Variants in NRG3 observed in about 807,000 individuals in gnomAD.
The protein encoded by NRG3 is pro-neuregulin-3, membrane-bound isoform.
A neutral mutation model predicts 66.9 loss-of-function variants in NRG3; 31 were observed. The observed-to-expected ratio is 0.46, with a 90% CI of 0.35 to 0.63. The LOEUF is 0.63. Among genes scored for constraint, NRG3 ranks in the 20% least tolerant of loss-of-function variants. The pLI, the probability that NRG3 is intolerant of heterozygous loss-of-function variation, is 0.00. For synonymous variants in NRG3, 393 were observed against 359.4 expected (o/e 1.09, Z -1.06); for missense variants, 910 against 878.9 (o/e 1.04, Z -0.45).
At chr10:82,467,839 CAT>C (rs1840836050) in intron 2 of NRG3, among the ~76,000 whole-genome samples, 2 of 152,074 alleles carry the variant, frequency 1.3e-5, no homozygotes, top group African/African-American at 4.8e-5. Flanking sequence ...AAGGATATAT[CAT>C]ATTAAATTTA....
chr10:82,404,580 TGAAG>T (rs1450076252), intron 2 of NRG3, among the ~76,000 whole-genome samples: 2 of 152,166 alleles, frequency 1.3e-5, no homozygotes, highest in African/African-American at 4.8e-5. Flanking sequence ...AATGAATGAA[TGAAG>T]GATGAATGGG....
chr10:81,882,107 A>G (rs898891028), intron 1 of NRG3, among the ~76,000 whole-genome samples: 11 of 152,238 alleles, frequency 7.2e-5, no homozygotes, highest in South Asian at 2.1e-4. Flanking sequence ...CATAATTAGC[A>G]TAAGAACAAC....
intron 1 of NRG3, among the ~76,000 whole-genome samples, chr10:82,006,809 C>T (rs1031601033): frequency 6.6e-6 from 1 of 152,112 alleles, no homozygotes; most frequent in Non-Finnish European, 1.5e-5. Flanking sequence ...ATTCCTTAAA[C>T]TATATACACT....
intron 3 of NRG3, among the ~76,000 whole-genome samples, chr10:82,815,394 G>C (rs537698404): frequency 5.3e-5 from 8 of 152,098 alleles, no homozygotes; most frequent in African/African-American, 1.9e-4. Flanking sequence ...AAATGTATGA[G>C]GTGTTCACTT....
intron 1 of NRG3, among the ~76,000 whole-genome samples, chr10:82,355,161 G>A (rs1589829832): frequency 6.6e-6 from 1 of 152,168 alleles, no homozygotes; most frequent in East Asian, 1.9e-4. Flanking sequence ...TGTTGAATTT[G>A]CTCACAGATG....
intron 4 of NRG3, among the ~76,000 whole-genome samples, chr10:82,886,541 C>T (rs370201879): frequency 1.3e-5 from 2 of 152,258 alleles, no homozygotes; most frequent in South Asian, 2.1e-4. Flanking sequence ...TGGAATAATA[C>T]GAGCAATACA....
intron 1 of NRG3, among the ~76,000 whole-genome samples, chr10:81,916,011 A>G (rs1168982256): frequency 6.6e-6 from 1 of 152,236 alleles, no homozygotes; most frequent in Non-Finnish European, 1.5e-5. Flanking sequence ...CTCACTTAAC[A>G]TATCTAAATT....
chr10:82,696,732 T>C (rs1361855162), intron 2 of NRG3, among the ~76,000 whole-genome samples: 1 of 152,124 alleles, frequency 6.6e-6, no homozygotes, highest in African/African-American at 2.4e-5. Context: ...CCAAGAGTTT[T>C]GACAGAATGC....
chr10:82,155,897 C>A (rs1207073422), intron 1 of NRG3, among the ~76,000 whole-genome samples: 1 of 151,734 alleles, frequency 6.6e-6, no homozygotes, highest in Admixed American at 6.6e-5. Flanking sequence ...ATCCTCTAAA[C>A]TTTAGCTGCT....
At chr10:82,361,235 G>C (rs1294625000) in intron 2 of NRG3, among the ~76,000 whole-genome samples, 1 of 151,978 alleles carries the variant, frequency 6.6e-6, no homozygotes, top group African/African-American at 2.4e-5. Flanking sequence ...TAATAATTTT[G>C]GCCTTCTGTC....
intron 2 of NRG3, among the ~76,000 whole-genome samples, chr10:82,503,163 A>T (rs904131018): frequency 1.3e-5 from 2 of 152,236 alleles, no homozygotes; most frequent in African/African-American, 4.8e-5. Flanking sequence ...TCAAAATGAT[A>T]TAAGTGAAAC....
At chr10:82,064,145 A>C (rs1034366734) in intron 1 of NRG3, among the ~76,000 whole-genome samples, 3 of 152,206 alleles carry the variant, frequency 2.0e-5, no homozygotes, top group African/African-American at 7.2e-5. Flanking sequence ...CAGTGAATTA[A>C]GGAATGGATT....
chr10:82,905,937 G>A (rs1474169859), intron 4 of NRG3, among the ~76,000 whole-genome samples: 1 of 152,088 alleles, frequency 6.6e-6, no homozygotes, highest in African/African-American at 2.4e-5. Context: ...GAGGGCAATG[G>A]GATAGGTTAG....
rs573910127 is a variant in NRG3 at position 82,863,819 on chromosome 10, A to G, written c.1028-1592A>G. 1.1e-4 allele frequency among the ~76,000 whole-genome samples: 17 copies of G among 152,268 alleles called. No individual in the cohort carries two copies. The South Asian group carries it at 3.5e-3, about 32-fold the overall frequency. ...GCTTTTCCATTATAGCACTTATTACAAAGAATGACCATAGCTTTTTCTCCA... is the reference window on the plus strand; with the variant it reads ...GCTTTTCCATTATAGCACTTATTACGAAGAATGACCATAGCTTTTTCTCCA... On this transcript the variant is annotated intron_variant, in intron 3 of 8. Transcript: ENST00000372141.
intron 1 of NRG3, among the ~76,000 whole-genome samples, chr10:81,980,904 C>T (rs2060309791): frequency 6.6e-6 from 1 of 152,146 alleles, no homozygotes; most frequent in Non-Finnish European, 1.5e-5. Flanking sequence ...CTTATAAAGA[C>T]ATTAGTCTCA....
intron 1 of NRG3, among the ~76,000 whole-genome samples, chr10:81,973,637 G>C (rs1485301184): frequency 6.6e-6 from 1 of 152,038 alleles, no homozygotes; most frequent in Non-Finnish European, 1.5e-5. Context: ...TTGCAGTTTT[G>C]ATTTGCATTT....
intron 2 of NRG3, among the ~76,000 whole-genome samples, chr10:82,439,980 A>G (rs1339334750): frequency 2.0e-5 from 3 of 152,058 alleles, no homozygotes; most frequent in Non-Finnish European, 4.4e-5. Context: ...GTTTTAGAAC[A>G]TTGTACGTTA....
chr10:82,041,312 C>T (rs2063026198), intron 1 of NRG3, among the ~76,000 whole-genome samples: 1 of 152,020 alleles, frequency 6.6e-6, no homozygotes, highest in Non-Finnish European at 1.5e-5. Context: ...TATGGATTAA[C>T]TTCACTCTTT....
chr10:82,524,019 A>T (rs1826101601), intron 2 of NRG3, among the ~76,000 whole-genome samples: 1 of 152,090 alleles, frequency 6.6e-6, no homozygotes, highest in Non-Finnish European at 1.5e-5. Flanking sequence ...TAAAATGTAG[A>T]GCCTGAATTG....
Sources: allele counts gnomAD v4.1 joint callset (sites outside exome capture counted in the v4.1 genomes callset), GRCh38; gene constraint gnomAD v4.1.1; transcripts MANE v1.5; gene names NCBI Gene and HGNC (gene_info 2026-07-23, HGNC 2026-07-21).